Variants in TSPAN5 observed in about 807,000 individuals in gnomAD.
TSPAN5 encodes tetraspanin-5.
A neutral mutation model predicts 37.1 loss-of-function variants in TSPAN5; 10 were observed. The ratio of observed to expected loss-of-function variants is 0.27; its 90% CI spans 0.17 to 0.46. The LOEUF (loss-of-function observed/expected upper bound fraction) is 0.46, where lower values mean the gene tolerates loss of function less well. Ranked by LOEUF, TSPAN5 falls within the 20% of genes least tolerant of loss-of-function variation. The pLI, the probability that TSPAN5 is intolerant of heterozygous loss-of-function variation, is 1.00. For synonymous variants in TSPAN5, 110 were observed against 118.9 expected (o/e 0.93, Z 0.48); for missense variants, 195 against 326.6 (o/e 0.60, Z 3.11).
chr4:98,537,521 C>A (rs768062736), intron 1 of TSPAN5, among the ~76,000 whole-genome samples: 5 of 152,174 alleles, frequency 3.3e-5, no homozygotes, highest in Non-Finnish European at 7.4e-5. Context: ...GCCCTAGTAC[C>A]TTTAAATATG....
chr4:98,478,615 T>A, intron 5 of TSPAN5, 70 bp downstream of exon 5: 1 of 1,598,306 alleles, frequency 6.3e-7, no homozygotes. Context: ...AAAAAATCAC[T>A]CTGCTCGTCC....
chr4:98,496,050 T>A (rs1177864750), intron 2 of TSPAN5, among the ~76,000 whole-genome samples: 2 of 152,122 alleles, frequency 1.3e-5, no homozygotes, highest in Non-Finnish European at 2.9e-5. Context: ...CAGATCCTAC[T>A]GACAACAGTT....
At chr4:98,500,502 C>T (rs1204037440) in intron 2 of TSPAN5, among the ~76,000 whole-genome samples, 1 of 152,258 alleles carries the variant, frequency 6.6e-6, no homozygotes, top group Admixed American at 6.5e-5. Flanking sequence ...GAGAACCCAG[C>T]GTAGTGAGTG....
intron 1 of TSPAN5, among the ~76,000 whole-genome samples, chr4:98,632,545 G>A (rs1043240458): frequency 5.9e-5 from 9 of 152,126 alleles, no homozygotes; most frequent in Non-Finnish European, 1.0e-4. Context: ...GCACTGTCAC[G>A]GAAAACCAGG....
At chr4:98,624,247 CA>C in intron 1 of TSPAN5, among the ~76,000 whole-genome samples, 1 of 151,434 alleles carries the variant, frequency 6.6e-6, no homozygotes. Context: ...TTTAGAAACA[CA>C]GAATTGAAAT....
intron 1 of TSPAN5, among the ~76,000 whole-genome samples, chr4:98,549,926 T>C (rs755489928): frequency 8.5e-5 from 13 of 152,186 alleles, no homozygotes; most frequent in Non-Finnish European, 7.3e-5. Context: ...ATTTTCATTG[T>C]GCTTGGTTTT....
intron 1 of TSPAN5, among the ~76,000 whole-genome samples, chr4:98,640,239 T>C (rs1756935756): frequency 6.6e-6 from 1 of 152,170 alleles, no homozygotes; most frequent in East Asian, 1.9e-4. Context: ...CATGCCTATT[T>C]TTACACATTA....
At chr4:98,643,897 G>C (rs1196452915) in intron 1 of TSPAN5, among the ~76,000 whole-genome samples, 1 of 152,210 alleles carries the variant, frequency 6.6e-6, no homozygotes, top group Admixed American at 6.5e-5. Context: ...GAGTTGCCCT[G>C]TGGGCAGTTG....
At chr4:98,562,152 G>C (rs1346831929) in intron 1 of TSPAN5, among the ~76,000 whole-genome samples, 1 of 152,110 alleles carries the variant, frequency 6.6e-6, no homozygotes, top group Non-Finnish European at 1.5e-5. Context: ...CTATAAAGGA[G>C]GCATAAACTA....
intron 3 of TSPAN5, 57 bp downstream of exon 3, chr4:98,486,681 C>T: frequency 6.3e-7 from 1 of 1,599,590 alleles, no homozygotes; most frequent in South Asian, 1.1e-5. Flanking sequence ...AGGGTGACCT[C>T]CTGATGGAAG....
intron 1 of TSPAN5, among the ~76,000 whole-genome samples, chr4:98,647,524 T>G (rs1343237354): frequency 3.9e-5 from 6 of 152,212 alleles, no homozygotes; most frequent in Non-Finnish European, 8.8e-5. Context: ...CAAGCCTTAG[T>G]GCCAAGTGTA....
At chr4:98,598,372 T>C (rs1384226948) in intron 1 of TSPAN5, among the ~76,000 whole-genome samples, 7 of 149,406 alleles carry the variant, frequency 4.7e-5, no homozygotes, top group African/African-American at 1.7e-4. Flanking sequence ...GTACCTCAGA[T>C]GGAAATGCAG....
At chr4:98,601,832 T>G (rs1295018702) in intron 1 of TSPAN5, among the ~76,000 whole-genome samples, 1 of 152,226 alleles carries the variant, frequency 6.6e-6, no homozygotes, top group African/African-American at 2.4e-5. Context: ...CTTAATCATT[T>G]GTAGCTTTTG....
chr4:98,616,986 G>A (rs1756356902), intron 1 of TSPAN5, among the ~76,000 whole-genome samples: 1 of 151,734 alleles, frequency 6.6e-6, no homozygotes, highest in African/African-American at 2.4e-5. Flanking sequence ...ACCATGCCTG[G>A]CTAATTCTTT....
intron 1 of TSPAN5, among the ~76,000 whole-genome samples, chr4:98,559,516 TACAC>T (rs1754831176): frequency 6.6e-6 from 1 of 152,200 alleles, no homozygotes; most frequent in Non-Finnish European, 1.5e-5. Context: ...AAATATGACA[TACAC>T]ACTCTATTTT....
At chr4:98,549,286 TTG>T in intron 1 of TSPAN5, among the ~76,000 whole-genome samples, 5 of 144,336 alleles carry the variant, frequency 3.5e-5, no homozygotes, top group South Asian at 2.1e-4. Flanking sequence ...TTATTTTTGT[TTG>T]TTTGTTTGTT....
At chr4:98,554,065 T>TA (rs899917084) in intron 1 of TSPAN5, among the ~76,000 whole-genome samples, 51 of 146,772 alleles carry the variant, frequency 3.5e-4, no homozygotes, top group African/African-American at 8.2e-4. Context: ...AGACTCTATC[T>TA]AAAAAAAAAA....
At chr4:98,639,057 G>A (rs907829825) in intron 1 of TSPAN5, among the ~76,000 whole-genome samples, 1 of 152,114 alleles carries the variant, frequency 6.6e-6, no homozygotes, top group Admixed American at 6.5e-5. Context: ...CGAAGAAATG[G>A]CCCAGGTAAA....
At chr4:98,553,630 A>G (rs1478082615) in intron 1 of TSPAN5, among the ~76,000 whole-genome samples, 2 of 152,146 alleles carry the variant, frequency 1.3e-5, no homozygotes, top group Non-Finnish European at 2.9e-5. Context: ...TACGCCTTTT[A>G]TGTGTTTTTG....
Sources: gnomAD v4.1 joint callset for allele counts (sites outside exome capture counted in the v4.1 genomes callset) on GRCh38, gnomAD v4.1.1 for gene constraint, MANE v1.5 for transcripts, NCBI Gene and HGNC (gene_info 2026-07-23, HGNC 2026-07-21) for gene names.